Variants in EPS8 observed in about 807,000 individuals in gnomAD.
EPS8 encodes the protein epidermal growth factor receptor kinase substrate 8.
EPS8 carries 42 observed loss-of-function variants against 103.8 expected under a neutral mutation model. The observed-to-expected ratio is 0.40, with a 90% CI of 0.32 to 0.52. The LOEUF (loss-of-function observed/expected upper bound fraction) is 0.52, where lower values mean the gene tolerates loss of function less well. EPS8 is among the 20% of genes least tolerant of loss of function. The pLI, the probability that EPS8 is intolerant of heterozygous loss-of-function variation, is 0.40. For synonymous variants in EPS8, 344 were observed against 344.6 expected (o/e 1.00, Z 0.02); for missense variants, 969 against 1,005.1 (o/e 0.96, Z 0.49).
At chr12:15,723,419 A>G (rs1208779127) in intron 1 of EPS8, among the ~76,000 whole-genome samples, 1 of 152,142 alleles carries the variant, frequency 6.6e-6, no homozygotes, top group East Asian at 1.9e-4. Context: ...TAAAGTTTTC[A>G]ATATTTTCTT....
chr12:15,675,046 T>C (rs1565493872), intron 3 of EPS8, among the ~76,000 whole-genome samples: 1 of 152,108 alleles, frequency 6.6e-6, no homozygotes, highest in Non-Finnish European at 1.5e-5. Flanking sequence ...GAAAGAAAGC[T>C]AGGTATGAAA....
Position 15,762,766 on chromosome 12 carries a change from AG to A in EPS8, c.-22+26394del, listed in dbSNP as rs1947055168. 6.6e-6 allele frequency among the ~76,000 whole-genome samples: 1 copy of A among 152,198 alleles called. No individual in the cohort carries two copies. The highest frequency in any genetic ancestry group is 1.5e-5 in the Non-Finnish European group (1 of 68,034). On this transcript the variant is annotated intron_variant, in intron 1 of 20. Coordinates refer to ENST00000281172, the MANE Select transcript of EPS8 (RefSeq NM_004447.6). The surrounding 1 kb of genome is among the most constrained non-coding windows in gnomAD (Gnocchi z 4.8). ...GAGAGAGTATAGAAGGATGGTTACC[AG>A]AGGCTGGGAAGGTGAAGTGGGGATA...
chr12:15,723,420 A>G (rs1392852343), intron 1 of EPS8, among the ~76,000 whole-genome samples: 3 of 152,142 alleles, frequency 2.0e-5, no homozygotes, highest in African/African-American at 4.8e-5. Flanking sequence ...AAAGTTTTCA[A>G]TATTTTCTTG....
chr12:15,661,974 T>G, intron 9 of EPS8, 52 bp downstream of exon 9: 7 of 1,331,464 alleles, frequency 5.3e-6, no homozygotes, highest in Non-Finnish European at 7.4e-6. Context: ...TGAAGTTTTC[T>G]TTTTCCTCTT....
chr12:15,641,373 G>GAA (rs5796641), intron 16 of EPS8, among the ~76,000 whole-genome samples: 152,026 of 152,118 alleles, frequency 1, 75,967 homozygotes, highest in Middle Eastern at 1. Flanking sequence ...ATTAAAAAAA[G>GAA]AATGTTGTCT....
Position 15,780,481 on chromosome 12 carries a change from A to ACACACACACACACAC in EPS8, c.-22+8679_-22+8680insGTGTGTGTGTGTGTG, listed in dbSNP as rs1947249335. ...CTCCTTTCTGCTATGTGCTGGGATAAACACACACACACACACACACACACA... is the reference window on the plus strand; with the variant it reads ...CTCCTTTCTGCTATGTGCTGGGATAACACACACACACACACACACACACACACACACACACACACA... On this transcript the variant is annotated intron_variant, in intron 1 of 20. Transcript: ENST00000281172. The surrounding 1 kb of genome is among the most constrained non-coding windows in gnomAD (Gnocchi z 4.1). 1 of 117,474 alleles carries ACACACACACACACAC rather than the reference A, an allele frequency of 8.5e-6. No individual in the cohort carries two copies. Among genetic ancestry groups the ACACACACACACACAC allele is most frequent in the South Asian group, 3.5e-4 (1 of 2,844 alleles). 7.3% of individuals were successfully genotyped at this position (117,474 alleles called of 1,614,324 possible).
intron 6 of EPS8, among the ~76,000 whole-genome samples, 181 bp downstream of exon 6, chr12:15,669,206 T>C (rs1181720897): frequency 6.6e-6 from 1 of 152,256 alleles, no homozygotes; most frequent in Non-Finnish European, 1.5e-5. Context: ...ATCACCCTAA[T>C]TTCTTTATTT....
At position 15,669,438 on chromosome 12, in the gene EPS8, C is replaced by T. The variant is rs1205669948; in HGVS notation, c.465G>A (p.Glu155=). The stretch of plus-strand genomic sequence containing the variant: ...GAAGATCTGGCTTGTTCTGGGTTGG[C>T]TCTTTGCACACCAGTGCAAGAACTG... ...YDSVLALVCK[E]PTQNKPDLHL... Residue 155 remains glutamate, a synonymous_variant, in exon 6 of 21, where the codon GAG becomes GAA. Transcript: ENST00000281172. 1.9e-6 allele frequency: 3 copies of T among 1,614,054 alleles called. No homozygotes were observed. Among genetic ancestry groups the T allele is most frequent in the African/African-American group, 2.7e-5 (2 of 75,038 alleles).
At chr12:15,765,949 G>T (rs1394591552) in intron 1 of EPS8, among the ~76,000 whole-genome samples, 3 of 151,582 alleles carry the variant, frequency 2.0e-5, no homozygotes, top group Admixed American at 2.0e-4. Flanking sequence ...GAGTAGCTGG[G>T]ATTACAGGCG....
intron 1 of EPS8, among the ~76,000 whole-genome samples, chr12:15,687,283 T>C (rs549803475): frequency 6.6e-6 from 1 of 152,244 alleles, no homozygotes; most frequent in South Asian, 2.1e-4. Context: ...AACAAAGAAT[T>C]TTTATGTGTG....
chr12:15,651,026 C>T lies in EPS8; in HGVS notation c.1251-20G>A, dbSNP rs752503654. 2 of 1,596,074 alleles carry T rather than the reference C, an allele frequency of 1.3e-6. No homozygotes were observed. The highest frequency in any genetic ancestry group is 1.7e-6 in the Non-Finnish European group (2 of 1,169,548). On this transcript the variant is annotated intron_variant, in intron 13 of 20. Transcript: ENST00000281172. ...TCTGCTCTGCAGGAGGGAATGAAGG[C>T]ATATAAACAATAAAATCTAGGAATG...
chr12:15,624,155 A>G, intron 19 of EPS8, 72 bp downstream of exon 19: 1 of 1,253,122 alleles, frequency 8.0e-7, no homozygotes, highest in Non-Finnish European at 1.2e-6. Context: ...TATCTGTGAC[A>G]TCTAACTAAG....
intron 6 of EPS8, among the ~76,000 whole-genome samples, chr12:15,667,956 C>T (rs1002800415): frequency 1.3e-5 from 2 of 152,052 alleles, no homozygotes; most frequent in African/African-American, 2.4e-5. Context: ...CTTTTCACAG[C>T]ATAGTAACTT....
intron 17 of EPS8, among the ~76,000 whole-genome samples, chr12:15,636,157 A>G (rs1021969031): frequency 2.0e-5 from 3 of 152,112 alleles, no homozygotes; most frequent in African/African-American, 7.2e-5. Flanking sequence ...AAGATCAGGA[A>G]ACTTTATGTG....
Position 15,751,528 on chromosome 12 carries a change from G to T in EPS8, c.-22+37633C>A, listed in dbSNP as rs1168138017. ...ATTCAAGTGTCCTCCAGACAAACCG[G>T]TCAATTAGTGTGCCTCCACAAACAC... On this transcript the variant is annotated intron_variant, in intron 1 of 20. Coordinates refer to ENST00000281172, the MANE Select transcript of EPS8 (RefSeq NM_004447.6). This position sits in a 1 kb window ranked among gnomAD's most constrained non-coding sequence, Gnocchi z 4.3. Among the ~76,000 whole-genome samples, 1 of 152,052 alleles carries T rather than the reference G, an allele frequency of 6.6e-6. No individual in the cohort carries two copies. Among genetic ancestry groups the T allele is most frequent in the East Asian group, 1.9e-4 (1 of 5,178 alleles).
chr12:15,621,217 C>A lies in EPS8; in HGVS notation c.*100G>T. The A allele has an allele frequency of 1.7e-6, 1 of 574,016 alleles. No homozygotes were observed. Among genetic ancestry groups the A allele is most frequent in the Non-Finnish European group, 2.9e-6 (1 of 347,098 alleles). The allele number at this position is 574,016 out of a possible 1,614,324, so 35.6% of individuals were successfully genotyped here. On this transcript the variant is annotated 3_prime_UTR_variant, in exon 21 of 21. Transcript: ENST00000281172. The stretch of plus-strand genomic sequence containing the variant: ...GGTTTTTTTTTATGGTGATAAATTA[C>A]ATCAAGAAAAATGAATCTGACATTC...
intron 1 of EPS8, among the ~76,000 whole-genome samples, chr12:15,694,953 T>G (rs943688061): frequency 2.0e-5 from 3 of 152,176 alleles, no homozygotes; most frequent in Non-Finnish European, 4.4e-5. Flanking sequence ...TTTAGACATA[T>G]TTCACTATTT....
At chr12:15,686,052 G>A (rs1398349367) in intron 1 of EPS8, among the ~76,000 whole-genome samples, 1 of 151,924 alleles carries the variant, frequency 6.6e-6, no homozygotes, top group Non-Finnish European at 1.5e-5. Context: ...TGAACAAGAG[G>A]AGGGTGAACT....
chr12:15,737,863 G>A (rs898656095), intron 1 of EPS8, among the ~76,000 whole-genome samples: 4 of 151,902 alleles, frequency 2.6e-5, no homozygotes, highest in Non-Finnish European at 5.9e-5. Flanking sequence ...ACCAATACAT[G>A]TTTATGATTT....
Sources: gnomAD v4.1 joint callset for allele counts (sites outside exome capture counted in the v4.1 genomes callset) on GRCh38, gnomAD v4.1.1 for gene constraint, Gnocchi (gnomAD v3.1) non-coding constraint, MANE v1.5 for transcripts, NCBI Gene and HGNC (gene_info 2026-07-23, HGNC 2026-07-21) for gene names.